SRCAP: variants seen among roughly 807,000 people sequenced by gnomAD.
The protein encoded by SRCAP is chromatin remodeling protein SRCAP.
SRCAP carries 46 observed loss-of-function variants against 263.1 expected under a neutral mutation model. The ratio of observed to expected loss-of-function variants is 0.17; its 90% CI spans 0.14 to 0.22. The LOEUF is 0.22. Among genes scored for constraint, SRCAP ranks in the 10% least tolerant of loss-of-function variants. The probability of loss-of-function intolerance (pLI) is 1.00; values close to 1 mark genes in which losing one functional copy is unlikely to be tolerated. For missense variants in SRCAP, 3,695 were observed against 4,181.9 expected, an observed-to-expected ratio of 0.88 and a Z score of 3.21; for synonymous variants, 1,813 against 1,662.1, an observed-to-expected ratio of 1.09 and a Z score of -2.21.
At position 30,734,576 on chromosome 16, in the gene SRCAP, A is replaced by C; in HGVS notation, c.6690A>C (p.Glu2230Asp). ...TGCCCTCTGCCCCTGAAGAGGAGGA[A>C]GAGACTGTGGCCAGCAAGCAGACTC... ...SSVPSAPEEE[E>D]ETVASKQTHI... The change falls in exon 31 of 34, where the codon GAA becomes GAC. Residue 2230 changes from glutamate to aspartate, a missense_variant. Coordinates refer to ENST00000262518, the MANE Select transcript of SRCAP (RefSeq NM_006662.3). 6.2e-7 allele frequency: 1 copy of C among 1,614,098 alleles called. No individual in the cohort carries two copies. The highest frequency in any genetic ancestry group is 8.5e-7 in the Non-Finnish European group (1 of 1,180,010).
rs1345075359 is a variant in SRCAP, at chr16:30,734,659, C to T, written c.6729+44C>T. On this transcript the variant is annotated intron_variant, in intron 31 of 33. Coordinates refer to ENST00000262518, the MANE Select transcript of SRCAP (RefSeq NM_006662.3). Reference sequence around the variant, plus strand: ...GTTCGTAAAGTTGAGCTGATTCTTACAGAATATCTTGTCTTTTGTTAGTCT... The same window carrying T: ...GTTCGTAAAGTTGAGCTGATTCTTATAGAATATCTTGTCTTTTGTTAGTCT... 3.7e-6 allele frequency: 6 copies of T among 1,612,478 alleles called. No individual in the cohort carries two copies. The African/African-American group carries it at 6.7e-5, about 18-fold the overall frequency.
intron 25 of SRCAP, 181 bp downstream of exon 25, chr16:30,725,263 C>T (rs368540142): frequency 2.3e-5 from 30 of 1,281,906 alleles, no homozygotes; most frequent in South Asian, 6.8e-5. Flanking sequence ...CCTCATGATC[C>T]GCCTGCCTCA....
intron 33 of SRCAP, 82 bp downstream of exon 33, chr16:30,736,706 T>G: frequency 6.8e-7 from 1 of 1,466,874 alleles, no homozygotes. Context: ...ACAGTCTCGC[T>G]CTGTCGCCCA....
intron 10 of SRCAP, among the ~76,000 whole-genome samples, chr16:30,711,353 T>A (rs1198735221): frequency 3.3e-5 from 5 of 152,216 alleles, no homozygotes; most frequent in Non-Finnish European, 7.3e-5. Flanking sequence ...CTTGAGAGGC[T>A]CACCAGGTTG....
rs759712225 is a variant in SRCAP at position 30,723,624 on chromosome 16, T to C, written c.4200T>C (p.Pro1400=). 1.2e-6 allele frequency: 2 copies of C among 1,613,124 alleles called. No individual in the cohort carries two copies. The highest frequency in any genetic ancestry group is 1.7e-6 in the Non-Finnish European group (2 of 1,179,484). ...PGAAPLTISS[P]LHVPSSLPGP... ...CTGCCCCCTTGACCATCTCTTCTCCTCTCCACGTGCCATCCTCCCTCCCTG... is the reference window on the plus strand; with the variant it reads ...CTGCCCCCTTGACCATCTCTTCTCCCCTCCACGTGCCATCCTCCCTCCCTG... Residue 1400 remains proline, a synonymous_variant, in exon 25 of 34, where the codon CCT becomes CCC. Transcript: ENST00000262518.
At position 30,721,370 on chromosome 16, in the gene SRCAP, C is replaced by T; in HGVS notation, c.3435C>T (p.Thr1145=). 1 of 1,614,118 alleles carries T rather than the reference C, an allele frequency of 6.2e-7. No homozygotes were observed. The highest frequency in any genetic ancestry group is 8.5e-7 in the Non-Finnish European group (1 of 1,180,048). The change falls in exon 21 of 34, where the codon ACC becomes ACT. Residue 1145 remains threonine (T), a synonymous_variant. Transcript: ENST00000262518. ...ACACCTTCCCTCCTGCTGCTGCCAC[C>T]ACCACTTCTACCACCACGGCAACTG... ...PGYTFPPAAA[T]TTSTTTATAT...
chr16:30,720,081 A>G, intron 18 of SRCAP, 81 bp from the exon 19 acceptor site: 1 of 1,482,764 alleles, frequency 6.7e-7, no homozygotes, highest in Non-Finnish European at 9.2e-7. Flanking sequence ...TCACTTAAGG[A>G]TAATGGCCTC....
At chr16:30,736,936 A>C in intron 33 of SRCAP, 113 bp from the exon 34 acceptor site, 1 of 1,232,872 alleles carries the variant, frequency 8.1e-7, no homozygotes, top group Non-Finnish European at 1.1e-6. Context: ...AACTTCCCCA[A>C]GTGCTGGAAT....
chr16:30,718,846 A>G (rs902908055), intron 18 of SRCAP, among the ~76,000 whole-genome samples: 1 of 151,048 alleles, frequency 6.6e-6, no homozygotes, highest in Admixed American at 6.6e-5. Flanking sequence ...CATCATGTCC[A>G]ATAAATCATT....
chr16:30,736,216 A>G lies in SRCAP; in HGVS notation c.6746A>G (p.Glu2249Gly), dbSNP rs1176077361. 1 of 1,614,128 alleles carries G rather than the reference A, an allele frequency of 6.2e-7. No individual in the cohort carries two copies. Among genetic ancestry groups the G allele is most frequent in the Non-Finnish European group, 8.5e-7 (1 of 1,180,042 alleles). The stretch of plus-strand genomic sequence containing the variant: ...CCCTGGTAGGCATTGTGTCGGGCAG[A>G]AGATGAAGAGGATATCCGTGCAGCC... Reference protein sequence around the residue: ...HILEQALCRAEDEEDIRAATQ... With the variant: ...HILEQALCRAGDEEDIRAATQ... The change falls in exon 32 of 34, where the codon GAA becomes GGA. Residue 2249 changes from glutamate (E) to glycine (G), a missense_variant. This residue lies in a region of SRCAP where 91 missense variants were observed against 150.6 expected (regional missense o/e 0.60). Coordinates refer to ENST00000262518, the MANE Select transcript of SRCAP (RefSeq NM_006662.3).
chr16:30,736,335 G>C lies in SRCAP; in HGVS notation c.6865G>C (p.Gly2289Arg), dbSNP rs2053160221. 1 of 1,614,124 alleles carries C rather than the reference G, an allele frequency of 6.2e-7. No individual in the cohort carries two copies. The highest frequency in any genetic ancestry group is 8.5e-7 in the Non-Finnish European group (1 of 1,180,010). The change falls in exon 32 of 34, where the codon GGG becomes CGG. Residue 2289 changes from glycine to arginine, a missense_variant. Transcript: ENST00000262518. ...AGEGEEAGRP[G>R]AEDEEMSRAE... is the part of the protein sequence containing the mutation. ...TGAGGGAGAGGAAGCTGGCCGGCCT[G>C]GGGCTGAGGATGAGGAGATGTCCCG...
rs777647637 is a variant in SRCAP at position 30,729,581 on chromosome 16, G to C, written c.6127+9G>C. The C allele has an allele frequency of 3.7e-6, 6 of 1,614,164 alleles. No individual in the cohort carries two copies. Among genetic ancestry groups the C allele is most frequent in the South Asian group, 1.1e-5 (1 of 91,082 alleles). Reference sequence around the variant, plus strand: ...CATCCAGTATGATTGCGGTGAGTTTGTTGGCCAGTGTAGGACCCTTGACTT... The same window carrying C: ...CATCCAGTATGATTGCGGTGAGTTTCTTGGCCAGTGTAGGACCCTTGACTT... On this transcript the variant is annotated intron_variant, in intron 27 of 33. Transcript: ENST00000262518.
chr16:30,711,869 T>G lies in SRCAP; in HGVS notation c.1527T>G (p.Asp509Glu). 1 of 1,613,628 alleles carries G rather than the reference T, an allele frequency of 6.2e-7. No homozygotes were observed. Among genetic ancestry groups the G allele is most frequent in the Non-Finnish European group, 8.5e-7 (1 of 1,179,978 alleles). The change falls in exon 12 of 34, where the codon GAT (aspartate) becomes GAG (glutamate). Residue 509 changes from aspartate to glutamate, a missense_variant. Physicochemically the swap from Asp to Glu is conservative, Grantham distance 45. Transcript: ENST00000262518. Reference protein sequence around the residue: ...SVEDRSEDEEDEHSEEEETSG... With the variant: ...SVEDRSEDEEEEHSEEEETSG... ...AGGACCGGAGTGAGGATGAGGAAGA[T>G]GAACATTCAGAGGAGGAAGAAACAA...
At position 30,707,422 on chromosome 16, in the gene SRCAP, C is replaced by T. The variant is rs184382290; in HGVS notation, c.492+54C>T. On this transcript the variant is annotated intron_variant, in intron 5 of 33. Coordinates refer to ENST00000262518, the MANE Select transcript of SRCAP (RefSeq NM_006662.3). ...TTTCCTTTTCAGGTCTGTTCCTTCC[C>T]GGTTTGTTGGAAGGGGACCAGACAG... is the stretch of plus-strand genomic sequence containing the variant. The T allele has an allele frequency of 1.1e-4, 176 of 1,602,898 alleles. No homozygotes were observed. In the African/African-American group the frequency reaches 1.8e-3, roughly 16 times the overall value.
At chr16:30,716,687 C>G (rs1426622064) in intron 18 of SRCAP, among the ~76,000 whole-genome samples, 1 of 152,078 alleles carries the variant, frequency 6.6e-6, no homozygotes, top group Non-Finnish European at 1.5e-5. Flanking sequence ...GGATGTAACC[C>G]CATCGTAAAT....
At chr16:30,735,696 T>G (rs2053154755) in intron 31 of SRCAP, among the ~76,000 whole-genome samples, 1 of 149,282 alleles carries the variant, frequency 6.7e-6, no homozygotes, top group South Asian at 2.2e-4. Context: ...TTCTCCTGCC[T>G]CAGCCTCCTG....
chr16:30,739,650 G>T lies in SRCAP; in HGVS notation c.9610G>T (p.Asp3204Tyr). 6.3e-7 allele frequency: 1 copy of T among 1,589,072 alleles called. No individual in the cohort carries two copies. Residue 3204 changes from aspartate (D) to tyrosine (Y), a missense_variant, in exon 34 of 34, where the codon GAC becomes TAC. Transcript: ENST00000262518. ...GCTTGTTGGGACCACCAACCAAGGG[G>T]ACCAGCGCATCCTGCGCAGCAGCGC... ...RRLVGTTNQG[D>Y]QRILRSSAPP...
At chr16:30,717,577 G>A (rs2052963882) in intron 18 of SRCAP, among the ~76,000 whole-genome samples, 1 of 146,792 alleles carries the variant, frequency 6.8e-6, no homozygotes, top group South Asian at 2.1e-4. Context: ...CTTCCAACTA[G>A]CTGGGACCAC....
Position 30,739,428 on chromosome 16 carries a change from C to T in SRCAP, c.9388C>T (p.Pro3130Ser). 6.2e-7 allele frequency: 1 copy of T among 1,614,232 alleles called. No homozygotes were observed. The highest frequency in any genetic ancestry group is 8.5e-7 in the Non-Finnish European group (1 of 1,180,038). ...GCTGCGTCCAGGGTCTCTAGTCCCC[C>T]CACTAGAGACTGAGAAGTTGCCTCG... is the stretch of plus-strand genomic sequence containing the variant. Reference protein sequence around the residue: ...TRLRPGSLVPPLETEKLPRKR... With the variant: ...TRLRPGSLVPSLETEKLPRKR... Residue 3130 changes from proline to serine, a missense_variant, in exon 34 of 34, where the codon CCA becomes TCA. By Grantham distance (74) the Pro-to-Ser change is moderately conservative (BLOSUM62 -1). Transcript: ENST00000262518.
Sources: allele counts gnomAD v4.1 joint callset (sites outside exome capture counted in the v4.1 genomes callset), GRCh38; gene constraint gnomAD v4.1.1; regional missense constraint gnomAD v4.1.1; transcripts MANE v1.5; gene names NCBI Gene and HGNC (gene_info 2026-07-23, HGNC 2026-07-21).